DMRT1: variants seen among roughly 807,000 people sequenced by gnomAD.
DMRT1 encodes the protein doublesex- and mab-3-related transcription factor 1.
A neutral mutation model predicts 32.3 loss-of-function variants in DMRT1; 7 were observed. The ratio of observed to expected loss-of-function variants is 0.22; its 90% CI spans 0.12 to 0.41. The LOEUF is 0.41. Among genes scored for constraint, DMRT1 ranks in the 10% least tolerant of loss-of-function variants. DMRT1 has a pLI of 1.00. For missense variants in DMRT1, 625 were observed against 500.5 expected, an observed-to-expected ratio of 1.25 and a Z score of -2.37; for synonymous variants, 278 against 206.1, an observed-to-expected ratio of 1.35 and a Z score of -2.99.
intron 2 of DMRT1, among the ~76,000 whole-genome samples, chr9:869,756 A>AT (rs1564210396): frequency 6.6e-6 from 1 of 151,486 alleles, no homozygotes; most frequent in African/African-American, 2.4e-5. Context: ...ATTATTTTCT[A>AT]TTTTTTCTTA....
At chr9:864,735 T>G (rs7019164) in intron 2 of DMRT1, among the ~76,000 whole-genome samples, 4 of 146,856 alleles carry the variant, frequency 2.7e-5, no homozygotes, top group Non-Finnish European at 6.0e-5. Context: ...CTCCTAACCT[T>G]GCGATCCGCC....
chr9:910,967 C>T (rs534627990), intron 3 of DMRT1, among the ~76,000 whole-genome samples: 3 of 152,182 alleles, frequency 2.0e-5, no homozygotes, highest in South Asian at 4.1e-4. Flanking sequence ...AAATATATAT[C>T]CCTTTAGGAA....
At chr9:851,263 C>T (rs111898471) in intron 2 of DMRT1, among the ~76,000 whole-genome samples, 2,552 of 152,114 alleles carry the variant, frequency 0.017, 79 homozygotes, top group African/African-American at 0.057. Flanking sequence ...TTTTGAGACA[C>T]AGTCTCGCTC....
intron 4 of DMRT1, among the ~76,000 whole-genome samples, chr9:958,049 G>T (rs1819655778): frequency 6.6e-6 from 1 of 152,066 alleles, no homozygotes; most frequent in Non-Finnish European, 1.5e-5. Context: ...AATAATTTAT[G>T]AATCTTAAAT....
intron 2 of DMRT1, among the ~76,000 whole-genome samples, chr9:861,130 G>A (rs1815644480): frequency 6.7e-6 from 1 of 149,120 alleles, no homozygotes; most frequent in Non-Finnish European, 1.5e-5. Context: ...CAGGGTCATA[G>A]GACAATAGTG....
chr9:944,735 A>T (rs962173709), intron 4 of DMRT1, among the ~76,000 whole-genome samples: 4 of 152,174 alleles, frequency 2.6e-5, no homozygotes, highest in Non-Finnish European at 4.4e-5. Context: ...GTTGTGTTTG[A>T]TTCCAAATAC....
Position 963,816 on chromosome 9 carries a change from A to G in DMRT1, c.968-4169A>G, listed in dbSNP as rs577597725. Among the ~76,000 whole-genome samples the G allele has an allele frequency of 2.0e-5, 3 of 152,352 alleles. No individual in the cohort carries two copies. The East Asian group carries it at 5.8e-4, about 29-fold the overall frequency. ...GCACATGATTTTATTTCCAAACACTATGGTTATCATGAAGTGGAAGAATTT... is the reference window on the plus strand; with the variant it reads ...GCACATGATTTTATTTCCAAACACTGTGGTTATCATGAAGTGGAAGAATTT... On this transcript the variant is annotated intron_variant, in intron 4 of 4. Transcript: ENST00000382276.
intron 2 of DMRT1, among the ~76,000 whole-genome samples, chr9:874,682 G>A (rs1459700332): frequency 6.6e-6 from 1 of 151,824 alleles, no homozygotes; most frequent in African/African-American, 2.4e-5. Flanking sequence ...ATTTAGGTAT[G>A]CATCCTCTCT....
At chr9:891,639 C>G (rs1241086808) in intron 2 of DMRT1, among the ~76,000 whole-genome samples, 2 of 151,682 alleles carry the variant, frequency 1.3e-5, no homozygotes, top group Non-Finnish European at 2.9e-5. Flanking sequence ...CTCAGCCTCC[C>G]AAGTAGCTGG....
intron 4 of DMRT1, among the ~76,000 whole-genome samples, chr9:950,586 A>G (rs1819396530): frequency 6.6e-6 from 1 of 152,192 alleles, no homozygotes; most frequent in East Asian, 1.9e-4. Flanking sequence ...GGCTCAACGA[A>G]TGATAGTAAT....
chr9:961,812 A>G (rs1340028352), intron 4 of DMRT1, among the ~76,000 whole-genome samples: 1 of 152,268 alleles, frequency 6.6e-6, no homozygotes, highest in East Asian at 1.9e-4. Flanking sequence ...GGAGATTTAG[A>G]CAGCTGACAG....
intron 4 of DMRT1, among the ~76,000 whole-genome samples, chr9:943,466 C>T (rs963758536): frequency 3.9e-5 from 6 of 152,198 alleles, no homozygotes; most frequent in African/African-American, 9.7e-5. Flanking sequence ...CCAGGGGCAA[C>T]GAGGACACTC....
intron 2 of DMRT1, 91 bp from the exon 3 acceptor site, chr9:893,821 T>A: frequency 4.1e-6 from 5 of 1,206,964 alleles, no homozygotes; most frequent in Non-Finnish European, 6.0e-6. Flanking sequence ...GCTACCTTGC[T>A]CCGCAGGTCT....
At chr9:857,292 G>C (rs1371202635) in intron 2 of DMRT1, among the ~76,000 whole-genome samples, 10 of 147,368 alleles carry the variant, frequency 6.8e-5, no homozygotes, top group African/African-American at 2.2e-4. Flanking sequence ...GGGTGACAGA[G>C]CAAGACTCTA....
chr9:866,225 G>A (rs1018279310), intron 2 of DMRT1, among the ~76,000 whole-genome samples: 1 of 148,174 alleles, frequency 6.7e-6, no homozygotes, highest in Non-Finnish European at 1.5e-5. Context: ...AAATACTCAG[G>A]ACTCTGAGAC....
intron 2 of DMRT1, among the ~76,000 whole-genome samples, chr9:851,178 C>G (rs1336208358): frequency 6.6e-6 from 1 of 152,108 alleles, no homozygotes; most frequent in Non-Finnish European, 1.5e-5. Context: ...TTTCTACTTT[C>G]TAATACCTGA....
rs923261000 is a variant in DMRT1, at chr9:856,279, A to G, written c.538+9136A>G. 2.6e-5 allele frequency among the ~76,000 whole-genome samples: 4 copies of G among 152,304 alleles called. No individual in the cohort carries two copies. In the South Asian group the frequency reaches 8.3e-4, roughly 32 times the overall value. Reference sequence around the variant, plus strand: ...AGTTTAACGACTTAAGATGTAATTCATATACCAGGTAATTCATTTGTCTCA... The same window carrying G: ...AGTTTAACGACTTAAGATGTAATTCGTATACCAGGTAATTCATTTGTCTCA... On this transcript the variant is annotated intron_variant, in intron 2 of 4. Coordinates refer to ENST00000382276, the MANE Select transcript of DMRT1 (RefSeq NM_021951.3).
chr9:873,225 A>T (rs758753161), intron 2 of DMRT1, among the ~76,000 whole-genome samples: 1 of 152,136 alleles, frequency 6.6e-6, no homozygotes, highest in Non-Finnish European at 1.5e-5. Context: ...CTTTAGAGAA[A>T]ATGGTTATTC....
intron 4 of DMRT1, among the ~76,000 whole-genome samples, chr9:930,486 A>C (rs933606529): frequency 2.0e-5 from 3 of 151,496 alleles, no homozygotes; most frequent in Non-Finnish European, 4.4e-5. Context: ...ATCTCGGCTC[A>C]CTGCAAGCTC....
Sources: gnomAD v4.1 joint callset for allele counts (sites outside exome capture counted in the v4.1 genomes callset) on GRCh38, gnomAD v4.1.1 for gene constraint, MANE v1.5 for transcripts, NCBI Gene and HGNC (gene_info 2026-07-23, HGNC 2026-07-21) for gene names.